PLXNA4: variants seen among roughly 807,000 people sequenced by gnomAD.
PLXNA4 encodes the protein plexin A4.
In PLXNA4, 44 loss-of-function variants were observed where a neutral mutation model predicts 191.8. The observed-to-expected ratio is 0.23, with a 90% CI of 0.18 to 0.29. PLXNA4 has a LOEUF of 0.29. Ranked by LOEUF, PLXNA4 falls within the 10% of genes least tolerant of loss-of-function variation. The probability of loss-of-function intolerance (pLI) is 1.00; values close to 1 mark genes in which losing one functional copy is unlikely to be tolerated. For synonymous variants in PLXNA4, 1,082 were observed against 1,009.5 expected, an observed-to-expected ratio of 1.07 and a Z score of -1.36; for missense variants, 1,800 against 2,488.8, an observed-to-expected ratio of 0.72 and a Z score of 5.89.
chr7:132,341,448 C>T (rs1803024785), intron 3 of PLXNA4, among the ~76,000 whole-genome samples: 1 of 152,192 alleles, frequency 6.6e-6, no homozygotes, highest in South Asian at 2.1e-4. Context: ...CTTAGAATTG[C>T]TAATATATAG....
chr7:132,173,653 C>T (rs546520263), intron 21 of PLXNA4, among the ~76,000 whole-genome samples: 3 of 152,374 alleles, frequency 2.0e-5, no homozygotes, highest in African/African-American at 4.8e-5. Context: ...GCACAGCCTA[C>T]TACATTCCCT....
chr7:132,135,300 T>C (rs1795079853), intron 30 of PLXNA4, among the ~76,000 whole-genome samples: 1 of 152,106 alleles, frequency 6.6e-6, no homozygotes, highest in Admixed American at 6.5e-5. Context: ...ACCAGACAGG[T>C]ATACTCTGTC....
upstream of PLXNA4, among the ~76,000 whole-genome samples, chr7:132,577,803 G>A (rs557982351): frequency 1.8e-3 from 280 of 152,250 alleles, 1 homozygote; most frequent in African/African-American, 6.4e-3. Flanking sequence ...TGACACAAGC[G>A]CACACTGACT....
At chr7:132,383,455 A>T in intron 3 of PLXNA4, 1 of 510,562 alleles carries the variant, frequency 2.0e-6, no homozygotes, top group Non-Finnish European at 2.5e-6. Context: ...AATAAACCAC[A>T]CCTCATCCCA....
chr7:132,174,004 T>C (rs1796372261), intron 21 of PLXNA4, among the ~76,000 whole-genome samples: 1 of 152,210 alleles, frequency 6.6e-6, no homozygotes, highest in African/African-American at 2.4e-5. Flanking sequence ...ATGGGCTTAC[T>C]TACTTCAGAG....
intron 13 of PLXNA4, among the ~76,000 whole-genome samples, chr7:132,196,754 ACT>A (rs1797266229): frequency 6.6e-6 from 1 of 151,990 alleles, no homozygotes; most frequent in South Asian, 2.1e-4. Flanking sequence ...ACTTCTCATG[ACT>A]CTCTCCTGCA....
chr7:132,187,256 T>C lies in PLXNA4; in HGVS notation c.2993+215A>G, dbSNP rs955204652. Among the ~76,000 whole-genome samples, 4 of 152,158 alleles carry C rather than the reference T, an allele frequency of 2.6e-5. No homozygotes were observed. In the South Asian group the frequency reaches 8.3e-4, roughly 32 times the overall value. ...ACTGATTTGAATCATACAACTCCGA[T>C]CTCCCATTTAGCCAGCTCTGTATTG... On this transcript the variant is annotated intron_variant, in intron 15 of 31. Coordinates refer to ENST00000321063, the MANE Select transcript of PLXNA4 (RefSeq NM_020911.2).
intron 3 of PLXNA4, among the ~76,000 whole-genome samples, chr7:132,402,995 C>G (rs1415416580): frequency 6.6e-6 from 1 of 152,246 alleles, no homozygotes; most frequent in South Asian, 2.1e-4. Flanking sequence ...CTGGATCTCT[C>G]TTCCCCCACA....
At chr7:132,205,019 G>A (rs141058965) in intron 10 of PLXNA4, among the ~76,000 whole-genome samples, 12 of 152,278 alleles carry the variant, frequency 7.9e-5, no homozygotes, top group Middle Eastern at 3.4e-3. Flanking sequence ...AGTTTGCAAC[G>A]TACCCCCGTC....
At chr7:132,366,015 A>G (rs753055156) in intron 3 of PLXNA4, 3 of 152,160 alleles carry the variant, frequency 2.0e-5, no homozygotes, top group Non-Finnish European at 4.4e-5. Flanking sequence ...GGAGCTCCAT[A>G]TTAAGAGAAA....
intron 3 of PLXNA4, among the ~76,000 whole-genome samples, chr7:132,410,822 C>A (rs11771703): frequency 0.4 from 61,248 of 151,942 alleles, 15,878 homozygotes; most frequent in Non-Finnish European, 0.59. Context: ...CCCCTTCTGA[C>A]GGTGCACCCA....
intron 1 of PLXNA4, among the ~76,000 whole-genome samples, chr7:132,573,007 G>A (rs1802049518): frequency 6.6e-6 from 1 of 151,808 alleles, no homozygotes; most frequent in African/African-American, 2.4e-5. Context: ...TTGATTTCTT[G>A]GAGTGCCGCA....
At chr7:132,642,075 T>C (rs965454818) in intron 2 of PLXNA4, among the ~76,000 whole-genome samples, 1 of 152,204 alleles carries the variant, frequency 6.6e-6, no homozygotes, top group Admixed American at 6.5e-5. Flanking sequence ...TTCTATATAA[T>C]ATATAAGCAA....
chr7:132,382,955 T>C (rs1295906773), intron 3 of PLXNA4, among the ~76,000 whole-genome samples: 1 of 152,242 alleles, frequency 6.6e-6, no homozygotes, highest in African/African-American at 2.4e-5. Flanking sequence ...TATGTCTTAG[T>C]GTCTTATCCT....
chr7:132,243,898 A>G (rs556252577), intron 4 of PLXNA4, among the ~76,000 whole-genome samples: 24 of 143,484 alleles, frequency 1.7e-4, no homozygotes, highest in Admixed American at 1.2e-3. Context: ...GACCTGGGAG[A>G]ACTTTTTTTT....
chr7:132,260,217 C>T (rs1012950302), intron 4 of PLXNA4, among the ~76,000 whole-genome samples: 2 of 152,128 alleles, frequency 1.3e-5, no homozygotes, highest in East Asian at 1.9e-4. Context: ...GTATGTTTAT[C>T]GAAGTACTGC....
chr7:132,460,982 G>C (rs1014294181), intron 3 of PLXNA4, among the ~76,000 whole-genome samples: 1 of 151,992 alleles, frequency 6.6e-6, no homozygotes, highest in Admixed American at 6.6e-5. Context: ...ATAATCACAA[G>C]AAATATTTTC....
chr7:132,557,144 C>A (rs1379016263), intron 1 of PLXNA4, among the ~76,000 whole-genome samples: 1 of 152,214 alleles, frequency 6.6e-6, no homozygotes, highest in East Asian at 1.9e-4. Flanking sequence ...TGAATTTTGA[C>A]ATTGGGCTTT....
intron 3 of PLXNA4, among the ~76,000 whole-genome samples, chr7:132,348,773 C>G (rs765159073): frequency 1.2e-4 from 18 of 152,224 alleles, no homozygotes; most frequent in Non-Finnish European, 2.5e-4. Flanking sequence ...GGGCTAAACC[C>G]TGGAGTGCAG....
Sources: gnomAD v4.1 joint callset for allele counts (sites outside exome capture counted in the v4.1 genomes callset) on GRCh38, gnomAD v4.1.1 for gene constraint, MANE v1.5 for transcripts, NCBI Gene and HGNC (gene_info 2026-07-23, HGNC 2026-07-21) for gene names.